Variants in TMSB15B observed in about 807,000 individuals in gnomAD.
TMSB15B encodes the protein thymosin beta 15B, also known as thymosin beta-15B.
chrX:103,944,468 G>C (rs781991752), intron 1 of TMSB15B, among the ~76,000 whole-genome samples: 2 of 112,270 alleles, frequency 1.8e-5, no homozygotes, highest in Non-Finnish European at 3.8e-5. Flanking sequence ...AACAAGGTGG[G>C]AACTCAAACA....
At chrX:103,922,294 G>C (rs1185655167) in intron 1 of TMSB15B, among the ~76,000 whole-genome samples, 1 of 108,020 alleles carries the variant, frequency 9.3e-6, no homozygotes. Context: ...TACCATGTTG[G>C]TGTGCTGCAC....
intron 1 of TMSB15B, chrX:103,930,939 C>T (rs185045549): frequency 4.1e-4 from 45 of 110,847 alleles, no homozygotes; most frequent in Admixed American, 3.4e-3. Context: ...TATAGTTTCC[C>T]CCTACAGATA....
intron 1 of TMSB15B, among the ~76,000 whole-genome samples, chrX:103,920,688 T>C (rs782234477): frequency 8.9e-6 from 1 of 112,511 alleles, no homozygotes; most frequent in African/African-American, 3.2e-5. Context: ...GTGTGAGAAA[T>C]CAAACCCCAT....
In TMSB15B at chrX:103,930,220, T is replaced by C. The variant is rs1382697961; in HGVS notation, c.-721+10928T>C. On this transcript the variant is annotated intron_variant, in intron 1 of 3. Transcript: ENST00000419165. The stretch of plus-strand genomic sequence containing the variant: ...CCATGAACTTTCCCATGGCCATACT[T>C]TGGCCCACACTATTCTTTCCACCTG... Among the ~76,000 whole-genome samples, 8 of 111,668 alleles carry C rather than the reference T, an allele frequency of 7.2e-5. No homozygotes were observed. The Admixed American group carries it at 7.6e-4, about 11-fold the overall frequency.
chrX:103,927,899 G>T (rs1413948195), intron 1 of TMSB15B, among the ~76,000 whole-genome samples: 8 of 111,831 alleles, frequency 7.2e-5, no homozygotes, highest in Admixed American at 1.9e-4. Flanking sequence ...TAAGGTTAAT[G>T]AATTCTGAAT....
intron 1 of TMSB15B, among the ~76,000 whole-genome samples, chrX:103,943,677 A>G (rs868934876): frequency 3.2e-4 from 36 of 111,262 alleles, no homozygotes; most frequent in Admixed American, 2.8e-3. Flanking sequence ...TTTTTCCTCT[A>G]CTTAAATATT....
intron 1 of TMSB15B, among the ~76,000 whole-genome samples, chrX:103,929,265 C>T (rs1232447150): frequency 1.8e-5 from 2 of 111,755 alleles, no homozygotes; most frequent in Non-Finnish European, 3.8e-5. Context: ...GCCAGGAGGC[C>T]TTTAAATAAC....
At chrX:103,921,998 G>A (rs2074954395) in intron 1 of TMSB15B, among the ~76,000 whole-genome samples, 1 of 111,157 alleles carries the variant, frequency 9.0e-6, no homozygotes, top group Non-Finnish European at 1.9e-5. Context: ...GCATTCTGCA[G>A]ATAACCCAGT....
chrX:103,942,686 G>C (rs1332835165), intron 1 of TMSB15B, among the ~76,000 whole-genome samples: 1 of 111,848 alleles, frequency 8.9e-6, no homozygotes, highest in Non-Finnish European at 1.9e-5. Context: ...TAACTGTTGA[G>C]TTTTAGTGTA....
intron 1 of TMSB15B, among the ~76,000 whole-genome samples, chrX:103,940,358 A>G (rs1395481431): frequency 1.8e-5 from 2 of 112,171 alleles, no homozygotes; most frequent in East Asian, 2.8e-4. Context: ...CCCTGCCCAG[A>G]GAGGAGGAAT....
At chrX:103,922,607 T>G (rs1218816843) in intron 1 of TMSB15B, among the ~76,000 whole-genome samples, 3 of 111,396 alleles carry the variant, frequency 2.7e-5, no homozygotes, top group Non-Finnish European at 5.6e-5. Flanking sequence ...AGTCTATTAT[T>G]GACGGACATT....
chrX:103,954,905 C>T (rs1209540469), intron 1 of TMSB15B, among the ~76,000 whole-genome samples: 20 of 111,769 alleles, frequency 1.8e-4, no homozygotes, highest in African/African-American at 5.9e-4. Flanking sequence ...CATCCACTAG[C>T]ACTTGGCTGT....
chrX:103,955,825 C>G (rs1174523056), intron 1 of TMSB15B, among the ~76,000 whole-genome samples: 1 of 111,320 alleles, frequency 9.0e-6, no homozygotes, highest in Non-Finnish European at 1.9e-5. Context: ...AGAAGTTCAT[C>G]CCTAACACAC....
At chrX:103,946,427 G>A (rs1334181756) in intron 1 of TMSB15B, among the ~76,000 whole-genome samples, 4 of 111,970 alleles carry the variant, frequency 3.6e-5, no homozygotes, top group African/African-American at 9.7e-5. Flanking sequence ...AAATGCTTAG[G>A]GACCATGATG....
At chrX:103,936,693 A>C (rs2074998933) in intron 1 of TMSB15B, among the ~76,000 whole-genome samples, 1 of 111,769 alleles carries the variant, frequency 8.9e-6, no homozygotes, top group Non-Finnish European at 1.9e-5. Context: ...GTTGAATAGG[A>C]GTGGTGAGAG....
At chrX:103,923,055 A>AT (rs1307783929) in intron 1 of TMSB15B, among the ~76,000 whole-genome samples, 2 of 111,396 alleles carry the variant, frequency 1.8e-5, no homozygotes, top group East Asian at 2.8e-4. Context: ...GGGTTGTTTG[A>AT]TTTTTTCTTG....
chrX:103,922,761 A>G (rs1357761872), intron 1 of TMSB15B, among the ~76,000 whole-genome samples: 1 of 111,792 alleles, frequency 8.9e-6, no homozygotes, highest in Non-Finnish European at 1.9e-5. Context: ...TTCTAGTTCT[A>G]GATCCCTGAG....
intron 1 of TMSB15B, chrX:103,928,163 A>G (rs1365374459): frequency 1.7e-6 from 2 of 1,166,416 alleles, no homozygotes; most frequent in Non-Finnish European, 2.3e-6. Flanking sequence ...GGCTCCAGGA[A>G]AGAAAAGCTG....
chrX:103,945,705 G>A (rs1440392830), intron 1 of TMSB15B, among the ~76,000 whole-genome samples: 3 of 112,062 alleles, frequency 2.7e-5, no homozygotes, highest in Non-Finnish European at 3.8e-5. Flanking sequence ...GGAGAATATA[G>A]ACATAAATAA....
Sources: allele counts gnomAD v4.1 joint callset (sites outside exome capture counted in the v4.1 genomes callset), GRCh38; gene constraint gnomAD v4.1.1; transcripts MANE v1.5; gene names NCBI Gene and HGNC (gene_info 2026-07-23, HGNC 2026-07-21).